The following NHSL1 variants were observed in gnomAD, a reference collection of about 807,000 sequenced individuals.
NHSL1 encodes NHS like 1.
A neutral mutation model predicts 95.0 loss-of-function variants in NHSL1; 48 were observed. The ratio of observed to expected loss-of-function variants is 0.51; its 90% CI spans 0.40 to 0.64. NHSL1 has a LOEUF of 0.64. Ranked by LOEUF, NHSL1 falls within the 30% of genes least tolerant of loss-of-function variation. NHSL1 has a pLI of 0.00. For synonymous variants in NHSL1, 783 were observed against 833.9 expected, an observed-to-expected ratio of 0.94 and a Z score of 1.05; for missense variants, 1,971 against 2,077.7, an observed-to-expected ratio of 0.95 and a Z score of 1.00.
chr6:138,655,051 T>A (rs951720596), intron 1 of NHSL1, among the ~76,000 whole-genome samples: 6 of 152,132 alleles, frequency 3.9e-5, no homozygotes, highest in African/African-American at 1.4e-4. Context: ...CCATAACATA[T>A]TCACCCACTG....
At chr6:138,662,792 GA>G (rs754801442) in intron 1 of NHSL1, among the ~76,000 whole-genome samples, 6 of 150,716 alleles carry the variant, frequency 4.0e-5, no homozygotes, top group Non-Finnish European at 1.5e-5. Context: ...AGACTTAGGG[GA>G]AAAAAAACCT....
At chr6:138,578,033 G>C (rs533917675) in intron 1 of NHSL1, among the ~76,000 whole-genome samples, 1 of 152,258 alleles carries the variant, frequency 6.6e-6, no homozygotes, top group South Asian at 2.1e-4. Flanking sequence ...CGCCGGCCCC[G>C]TTTTCAGGTT....
chr6:138,442,827 C>T (rs764258022), intron 4 of NHSL1, among the ~76,000 whole-genome samples: 4 of 152,162 alleles, frequency 2.6e-5, no homozygotes, highest in Non-Finnish European at 4.4e-5. Flanking sequence ...TGGAATGCCA[C>T]ATCATAGGAC....
At chr6:138,577,236 C>T (rs1027232172), upstream of NHSL1, among the ~76,000 whole-genome samples, 24 of 152,194 alleles carry the variant, frequency 1.6e-4, no homozygotes, top group African/African-American at 5.8e-4. Context: ...TTAGACAAAC[C>T]TTTCAACGCA....
At chr6:138,562,417 C>G (rs148144380) in intron 1 of NHSL1, among the ~76,000 whole-genome samples, 83 of 152,210 alleles carry the variant, frequency 5.5e-4, no homozygotes, top group African/African-American at 2.0e-3. Flanking sequence ...GAGGCTGAGG[C>G]GGGTGGATCA....
chr6:138,614,170 T>G (rs1036040553), intron 1 of NHSL1, among the ~76,000 whole-genome samples: 1 of 152,170 alleles, frequency 6.6e-6, no homozygotes, highest in Non-Finnish European at 1.5e-5. Flanking sequence ...TAAATAGAAA[T>G]TGATGTGTGA....
At chr6:138,475,064 G>T (rs983409212) in intron 2 of NHSL1, among the ~76,000 whole-genome samples, 2 of 151,380 alleles carry the variant, frequency 1.3e-5, no homozygotes, top group East Asian at 1.9e-4. Context: ...CAGGAGAATC[G>T]CTTGAACCCG....
intron 1 of NHSL1, among the ~76,000 whole-genome samples, chr6:138,592,529 G>A (rs1204678461): frequency 1.3e-5 from 2 of 152,146 alleles, no homozygotes; most frequent in Non-Finnish European, 1.5e-5. Flanking sequence ...TTGAACCCAG[G>A]AGGTGGAGGC....
upstream of NHSL1, among the ~76,000 whole-genome samples, chr6:138,574,687 AG>A (rs370973544): frequency 0.079 from 9,285 of 118,082 alleles, 475 homozygotes; most frequent in African/African-American, 0.18. Context: ...AAAAAAAAAA[AG>A]AAAAGAAAAA....
At chr6:138,507,212 T>G (rs539908209) in intron 1 of NHSL1, among the ~76,000 whole-genome samples, 2 of 152,342 alleles carry the variant, frequency 1.3e-5, no homozygotes, top group African/African-American at 2.4e-5. Context: ...TGTCCACTGA[T>G]GTGATGAAAT....
At chr6:138,610,841 G>T (rs1274257830) in intron 1 of NHSL1, among the ~76,000 whole-genome samples, 1 of 152,140 alleles carries the variant, frequency 6.6e-6, no homozygotes, top group Non-Finnish European at 1.5e-5. Flanking sequence ...AATTTGGGAG[G>T]CTGAGATGAG....
rs1785518295 is a variant in NHSL1 at position 138,681,988 on chromosome 6, T to TA, written c.96+10487_96+10488insT. 2.6e-5 allele frequency among the ~76,000 whole-genome samples: 4 copies of TA among 151,724 alleles called. No homozygotes were observed. The South Asian group carries it at 8.4e-4, about 32-fold the overall frequency. ...CAAAGTAAGATACCGCTTTTCTTTT[T>TA]TTTTTTTTCTGAGACGGAGTTTTGA... On this transcript the variant is annotated intron_variant, in intron 1 of 3. Transcript: ENST00000491526.
intron 1 of NHSL1, among the ~76,000 whole-genome samples, chr6:138,618,375 T>C (rs1784609415): frequency 6.6e-6 from 1 of 152,244 alleles, no homozygotes; most frequent in Admixed American, 6.5e-5. Context: ...ACCACTGTTT[T>C]GAATTCCCGA....
At chr6:138,462,810 G>A (rs527944639) in intron 3 of NHSL1, among the ~76,000 whole-genome samples, 11 of 152,260 alleles carry the variant, frequency 7.2e-5, no homozygotes, top group African/African-American at 2.6e-4. Flanking sequence ...GGGAAAAGGT[G>A]GATCAAACTG....
chr6:138,583,283 T>C (rs756970978), intron 1 of NHSL1, among the ~76,000 whole-genome samples: 14 of 152,114 alleles, frequency 9.2e-5, no homozygotes, highest in Non-Finnish European at 1.9e-4. Flanking sequence ...CACTTTCCAC[T>C]GGCCAAAGCA....
chr6:138,534,238 T>A (rs1260009085), intron 1 of NHSL1, among the ~76,000 whole-genome samples: 1 of 152,246 alleles, frequency 6.6e-6, no homozygotes, highest in African/African-American at 2.4e-5. Context: ...TAATATTTCA[T>A]TCCTTTAATC....
intron 1 of NHSL1, among the ~76,000 whole-genome samples, chr6:138,588,695 G>A (rs1275125489): frequency 6.6e-6 from 1 of 152,148 alleles, no homozygotes; most frequent in Admixed American, 6.5e-5. Flanking sequence ...CTCTTAAAAC[G>A]TGTTGTTGTT....
At chr6:138,663,544 G>A (rs1785255802) in intron 1 of NHSL1, among the ~76,000 whole-genome samples, 1 of 122,452 alleles carries the variant, frequency 8.2e-6, no homozygotes, top group Admixed American at 9.3e-5. Context: ...TGGGCAACAA[G>A]AGCAAAACTC....
chr6:138,468,056 T>G lies in NHSL1; in HGVS notation c.339+5250A>C, dbSNP rs190684887. On this transcript the variant is annotated intron_variant, in intron 3 of 7. Coordinates refer to ENST00000343505, the MANE Select transcript of NHSL1 (RefSeq NM_001144060.2). The stretch of plus-strand genomic sequence containing the variant: ...AGCCACTGAAACTGGCTAGAAAAAT[T>G]TTTCTTTGTAAATGTGGTGCAGCCT... Among the ~76,000 whole-genome samples the G allele has an allele frequency of 2.3e-4, 35 of 152,082 alleles. No homozygotes were observed. The East Asian group carries it at 6.4e-3, about 28-fold the overall frequency.
Sources: allele counts gnomAD v4.1 joint callset (sites outside exome capture counted in the v4.1 genomes callset), GRCh38; gene constraint gnomAD v4.1.1; transcripts MANE v1.5; gene names NCBI Gene and HGNC (gene_info 2026-07-23, HGNC 2026-07-21).